Variants in FER observed in about 807,000 individuals in gnomAD.
FER encodes the protein tyrosine-protein kinase Fer.
Under a neutral mutation model 111.0 loss-of-function variants are expected in FER, and 63 were observed. The ratio of observed to expected loss-of-function variants is 0.57; its 90% CI spans 0.46 to 0.70. The LOEUF (loss-of-function observed/expected upper bound fraction) is 0.70, where lower values mean the gene tolerates loss of function less well. Ranked by LOEUF, FER falls within the 30% of genes least tolerant of loss-of-function variation. FER has a pLI of 0.00. For missense variants in FER, 914 were observed against 954.0 expected, an observed-to-expected ratio of 0.96 and a Z score of 0.55; for synonymous variants, 327 against 313.9, an observed-to-expected ratio of 1.04 and a Z score of -0.44.
Position 108,832,816 on chromosome 5 carries a change from T to C in FER, c.254T>C (p.Met85Thr). ...CAGACAGAACAACTTAGTAGGATAA[T>C]GAAGACACATGCAGAGGACTTGAAC... is the stretch of plus-strand genomic sequence containing the variant. ...IQQTEQLSRI[M>T]KTHAEDLNSG... Residue 85 changes from methionine to threonine, a missense_variant, in exon 4 of 20, where the codon ATG becomes ACG. Around this residue, in one of 3 missense-constraint regions of FER, gnomAD observed 774 missense variants for 782.6 expected, o/e 0.99. Transcript: ENST00000281092. The C allele has an allele frequency of 6.3e-7, 1 of 1,593,974 alleles. No individual in the cohort carries two copies. The highest frequency in any genetic ancestry group is 8.5e-7 in the Non-Finnish European group (1 of 1,170,068).
intron 3 of FER, among the ~76,000 whole-genome samples, chr5:108,801,174 G>A (rs926459744): frequency 6.6e-6 from 1 of 152,136 alleles, no homozygotes; most frequent in African/African-American, 2.4e-5. Flanking sequence ...TGTACATGTG[G>A]CAAGCTATGG....
At chr5:109,145,441 A>G (rs1042593198) in intron 17 of FER, among the ~76,000 whole-genome samples, 3 of 152,036 alleles carry the variant, frequency 2.0e-5, no homozygotes, top group African/African-American at 7.2e-5. Context: ...TTACCTACAT[A>G]TTATGTGCTT....
intron 13 of FER, among the ~76,000 whole-genome samples, chr5:108,987,948 ATTACG>A (rs146255626): frequency 0.12 from 17,529 of 152,080 alleles, 1,088 homozygotes; most frequent in Middle Eastern, 0.16. Flanking sequence ...GATGGCTTTT[ATTACG>A]TTAAGGTATA....
At chr5:109,030,148 T>C (rs572805569) in intron 13 of FER, among the ~76,000 whole-genome samples, 15 of 152,340 alleles carry the variant, frequency 9.8e-5, no homozygotes, top group Admixed American at 5.2e-4. Context: ...TTTTTAGTTA[T>C]ATACTTTTTA....
At chr5:108,855,804 A>G (rs1303588244) in intron 5 of FER, among the ~76,000 whole-genome samples, 2 of 152,168 alleles carry the variant, frequency 1.3e-5, no homozygotes, top group Non-Finnish European at 2.9e-5. Context: ...GTTTCAGTGG[A>G]GTAGTACAGG....
Position 108,806,151 on chromosome 5 carries a change from G to T in FER, c.207+7762G>T, listed in dbSNP as rs1757183843. On this transcript the variant is annotated intron_variant, in intron 3 of 19. Coordinates refer to ENST00000281092, the MANE Select transcript of FER (RefSeq NM_005246.4). ...CGTGACTAAAAGGGGCCAAGGTATAGCTTGGGCCATGGCTTCAGAGGGTGC... is the reference window on the plus strand; with the variant it reads ...CGTGACTAAAAGGGGCCAAGGTATATCTTGGGCCATGGCTTCAGAGGGTGC... Among the ~76,000 whole-genome samples, 2 of 152,184 alleles carry T rather than the reference G, an allele frequency of 1.3e-5. 1 individual carries two copies. The highest frequency in any genetic ancestry group is 4.8e-5 in the African/African-American group (2 of 41,450).
chr5:108,868,194 G>T (rs533157029), intron 6 of FER, among the ~76,000 whole-genome samples: 84 of 151,952 alleles, frequency 5.5e-4, no homozygotes, highest in African/African-American at 1.6e-3. Flanking sequence ...TCCTTAGCTG[G>T]AAATTTAAAT....
At chr5:109,160,687 G>T (rs1755896001) in intron 17 of FER, among the ~76,000 whole-genome samples, 2 of 152,132 alleles carry the variant, frequency 1.3e-5, no homozygotes, top group African/African-American at 4.8e-5. Flanking sequence ...CAATTTGGCA[G>T]CCCTTGAGAA....
At chr5:109,001,433 A>T (rs989601640) in intron 13 of FER, among the ~76,000 whole-genome samples, 5 of 152,146 alleles carry the variant, frequency 3.3e-5, no homozygotes, top group Non-Finnish European at 7.4e-5. Flanking sequence ...AAATTCAACA[A>T]CCATTCATGC....
intron 13 of FER, among the ~76,000 whole-genome samples, chr5:108,974,370 G>T (rs945214762): frequency 1.2e-4 from 18 of 152,162 alleles, no homozygotes; most frequent in African/African-American, 3.9e-4. Flanking sequence ...CTGGTGAAGG[G>T]CCTGAGACAG....
At chr5:108,986,469 C>G (rs981491113) in intron 13 of FER, among the ~76,000 whole-genome samples, 8 of 151,798 alleles carry the variant, frequency 5.3e-5, no homozygotes, top group Non-Finnish European at 8.8e-5. Context: ...ATATATTTAT[C>G]TTTGTTTTTG....
chr5:108,823,157 G>T (rs942923516), intron 3 of FER, among the ~76,000 whole-genome samples: 2 of 152,214 alleles, frequency 1.3e-5, no homozygotes, highest in Non-Finnish European at 2.9e-5. Flanking sequence ...ATGAACCACT[G>T]TGCCTGGCCT....
In FER at chr5:109,055,758, C is replaced by G. The variant is rs542874635; in HGVS notation, c.1924+8560C>G. On this transcript the variant is annotated intron_variant, in intron 16 of 19. Transcript: ENST00000281092. Reference sequence around the variant, plus strand: ...GCTGTGATCATGCCACTGATCACAACAGATGTGCCACAACAGAGTGAAACC... The same window carrying G: ...GCTGTGATCATGCCACTGATCACAAGAGATGTGCCACAACAGAGTGAAACC... 1.1e-4 allele frequency among the ~76,000 whole-genome samples: 13 copies of G among 119,100 alleles called. No individual in the cohort carries two copies. The South Asian group carries it at 3.0e-3, about 27-fold the overall frequency. 78.1% of individuals were successfully genotyped at this position (119,100 alleles called of 152,430 possible).
intron 13 of FER, among the ~76,000 whole-genome samples, chr5:108,968,682 T>G (rs1213377411): frequency 1.3e-5 from 2 of 151,924 alleles, no homozygotes; most frequent in Non-Finnish European, 2.9e-5. Flanking sequence ...GTAATAAAAC[T>G]AAAAGCATAA....
chr5:109,051,821 G>A, intron 16 of FER: 1 of 1,595,702 alleles, frequency 6.3e-7, no homozygotes, highest in Non-Finnish European at 8.6e-7. Context: ...GACACCACCA[G>A]CATGAAGATG....
chr5:108,758,897 T>C (rs933238693), intron 1 of FER, among the ~76,000 whole-genome samples: 1 of 152,186 alleles, frequency 6.6e-6, no homozygotes, highest in African/African-American at 2.4e-5. Context: ...TCCTCCTTTG[T>C]ATATATGCCC....
At chr5:108,903,446 C>G (rs1208652886) in intron 10 of FER, among the ~76,000 whole-genome samples, 2 of 152,180 alleles carry the variant, frequency 1.3e-5, no homozygotes, top group Non-Finnish European at 2.9e-5. Context: ...CCGTGGATCA[C>G]TTGAGGTCAG....
intron 10 of FER, among the ~76,000 whole-genome samples, chr5:108,903,561 T>G (rs185989926): frequency 6.6e-6 from 1 of 152,210 alleles, no homozygotes; most frequent in Non-Finnish European, 1.5e-5. Context: ...GAGTTTTCTT[T>G]TCCGTAGAGG....
chr5:108,967,779 A>AAAAC (rs1760079969), intron 13 of FER, among the ~76,000 whole-genome samples: 1 of 151,500 alleles, frequency 6.6e-6, no homozygotes, highest in African/African-American at 2.4e-5. Context: ...AAAAAAAAAA[A>AAAAC]AAAACAATTA....
Sources: allele counts gnomAD v4.1 joint callset (sites outside exome capture counted in the v4.1 genomes callset), GRCh38; gene constraint gnomAD v4.1.1; regional missense constraint gnomAD v4.1.1; transcripts MANE v1.5; gene names NCBI Gene and HGNC (gene_info 2026-07-23, HGNC 2026-07-21).